KAZN: variants seen among roughly 807,000 people sequenced by gnomAD.
KAZN encodes kazrin.
Under a neutral mutation model 87.4 loss-of-function variants are expected in KAZN, and 40 were observed. The observed-to-expected ratio is 0.46, with a 90% CI of 0.36 to 0.60. The LOEUF (loss-of-function observed/expected upper bound fraction) is 0.60, where lower values mean the gene tolerates loss of function less well. KAZN is among the 20% of genes least tolerant of loss of function. The pLI is 0.00. For synonymous variants in KAZN, 466 were observed against 458.3 expected (o/e 1.02, Z -0.22); for missense variants, 898 against 1,073.9 (o/e 0.84, Z 2.29).
intron 2 of KAZN, among the ~76,000 whole-genome samples, chr1:14,206,068 G>A (rs1646738163): frequency 6.6e-6 from 1 of 151,942 alleles, no homozygotes; most frequent in Non-Finnish European, 1.5e-5. Context: ...AAACATTACT[G>A]CATGGGCAAT....
At chr1:14,204,034 A>G (rs1336823418) in intron 2 of KAZN, among the ~76,000 whole-genome samples, 1 of 152,254 alleles carries the variant, frequency 6.6e-6, no homozygotes, top group East Asian at 1.9e-4. Flanking sequence ...AACTTTTAAT[A>G]GAAAACCCAA....
chr1:14,616,882 G>A (rs990869297), intron 1 of KAZN, among the ~76,000 whole-genome samples: 12 of 152,214 alleles, frequency 7.9e-5, no homozygotes, highest in Non-Finnish European at 1.5e-5. Context: ...AGTGGTGGGT[G>A]TCCATCAAAT....
At chr1:14,642,887 A>G (rs992158121) in intron 1 of KAZN, among the ~76,000 whole-genome samples, 3 of 152,264 alleles carry the variant, frequency 2.0e-5, no homozygotes, top group East Asian at 1.9e-4. Flanking sequence ...CTAAGTGCTG[A>G]TGAGGATACA....
intron 2 of KAZN, among the ~76,000 whole-genome samples, chr1:14,457,611 A>G (rs1198919021): frequency 6.6e-6 from 1 of 152,010 alleles, no homozygotes; most frequent in Non-Finnish European, 1.5e-5. Flanking sequence ...TAAATTTTTC[A>G]AGTAAGTTAT....
In KAZN at chr1:14,303,252, C is replaced by T. The variant is rs552475076; in HGVS notation, c.249+122660C>T. Among the ~76,000 whole-genome samples, 9 of 152,174 alleles carry T rather than the reference C, an allele frequency of 5.9e-5. No individual in the cohort carries two copies. In the South Asian group the frequency reaches 1.9e-3, roughly 32 times the overall value. On this transcript the variant is annotated intron_variant, in intron 2 of 16. Coordinates refer to the KAZN transcript ENST00000636203. The stretch of plus-strand genomic sequence containing the variant: ...GAGCCCAAGCCTTGACCCATGAAAT[C>T]AGAGTCTACAAAGGTGTGTCTCACT...
At chr1:14,657,072 A>G in intron 1 of KAZN, among the ~76,000 whole-genome samples, 2 of 123,220 alleles carry the variant, frequency 1.6e-5, no homozygotes, top group Admixed American at 9.4e-5. Context: ...GGGTGAAGAG[A>G]GAGGCTTTTT....
intron 1 of KAZN, among the ~76,000 whole-genome samples, chr1:14,855,217 T>C (rs1649946842): frequency 6.6e-6 from 1 of 152,204 alleles, no homozygotes; most frequent in Non-Finnish European, 1.5e-5. Context: ...TTGCCCTCTA[T>C]AGTTCCTTGC....
At chr1:13,942,724 G>A (rs936389875) in intron 1 of KAZN, among the ~76,000 whole-genome samples, 1 of 152,044 alleles carries the variant, frequency 6.6e-6, no homozygotes, top group Non-Finnish European at 1.5e-5. Context: ...TTTACGCATG[G>A]ACATTAAAAT....
At chr1:14,662,964 C>CACATAT (rs368049334) in intron 1 of KAZN, among the ~76,000 whole-genome samples, 4 of 127,966 alleles carry the variant, frequency 3.1e-5, no homozygotes, top group African/African-American at 5.8e-5. Flanking sequence ...TATATGCACA[C>CACATAT]ATATATATAT....
intron 2 of KAZN, among the ~76,000 whole-genome samples, chr1:14,225,280 A>C (rs1002027840): frequency 3.3e-5 from 5 of 152,262 alleles, no homozygotes; most frequent in East Asian, 3.9e-4. Context: ...TCAAATCAGG[A>C]CCATAATCCC....
At chr1:14,852,515 C>T (rs1649583600) in intron 1 of KAZN, among the ~76,000 whole-genome samples, 1 of 152,200 alleles carries the variant, frequency 6.6e-6, no homozygotes, top group African/African-American at 2.4e-5. Flanking sequence ...CCTGCAGGCC[C>T]TGCCCCCTCC....
At chr1:14,270,111 G>A (rs1024037534) in intron 2 of KAZN, among the ~76,000 whole-genome samples, 4 of 152,118 alleles carry the variant, frequency 2.6e-5, no homozygotes, top group Non-Finnish European at 5.9e-5. Flanking sequence ...CCACACTGGG[G>A]GTCAGATTTC....
intron 1 of KAZN, among the ~76,000 whole-genome samples, chr1:13,970,488 G>T (rs1322979811): frequency 6.6e-6 from 1 of 152,140 alleles, no homozygotes; most frequent in African/African-American, 2.4e-5. Context: ...GTTGGAGTTT[G>T]AACCCTGAGG....
At chr1:14,854,658 T>C (rs1470598468) in intron 1 of KAZN, among the ~76,000 whole-genome samples, 3 of 152,126 alleles carry the variant, frequency 2.0e-5, no homozygotes, top group African/African-American at 7.2e-5. Flanking sequence ...CCCATGAGTA[T>C]GGCAGGCATT....
chr1:14,726,832 A>G (rs1643406662), intron 1 of KAZN, among the ~76,000 whole-genome samples: 1 of 152,162 alleles, frequency 6.6e-6, no homozygotes, highest in Non-Finnish European at 1.5e-5. Context: ...CTGTATTGCA[A>G]CACGCCCTCC....
At chr1:14,117,459 A>G (rs1249731917) in intron 1 of KAZN, among the ~76,000 whole-genome samples, 1 of 152,150 alleles carries the variant, frequency 6.6e-6, no homozygotes, top group Non-Finnish European at 1.5e-5. Context: ...CTACCCAGCT[A>G]CACTGAAGTG....
chr1:14,163,727 G>A (rs1017619069), intron 1 of KAZN, among the ~76,000 whole-genome samples: 1 of 152,170 alleles, frequency 6.6e-6, no homozygotes, highest in Admixed American at 6.5e-5. Context: ...TGACATTCCT[G>A]CGTGGAGGCC....
intron 2 of KAZN, among the ~76,000 whole-genome samples, chr1:14,342,162 T>G (rs1034863903): frequency 6.6e-6 from 1 of 152,232 alleles, no homozygotes; most frequent in African/African-American, 2.4e-5. Context: ...GGACATAATC[T>G]CGTTCTTTTT....
intron 2 of KAZN, among the ~76,000 whole-genome samples, chr1:14,470,339 A>AC (rs1163223710): frequency 1.3e-5 from 2 of 152,166 alleles, no homozygotes; most frequent in Non-Finnish European, 2.9e-5. Flanking sequence ...GCAACAAATT[A>AC]CCGGGGAAGG....
Sources: allele counts gnomAD v4.1 joint callset (sites outside exome capture counted in the v4.1 genomes callset), GRCh38; gene constraint gnomAD v4.1.1; transcripts MANE v1.5; gene names NCBI Gene and HGNC (gene_info 2026-07-23, HGNC 2026-07-21).